The following DLGAP1 variants were observed in gnomAD, a reference collection of about 807,000 sequenced individuals.
DLGAP1 encodes DLG associated protein 1.
Under a neutral mutation model 90.8 loss-of-function variants are expected in DLGAP1, and 11 were observed. That is an observed-to-expected ratio of 0.12 (90% CI 0.08 to 0.20). The LOEUF (loss-of-function observed/expected upper bound fraction) is 0.20. Ranked by LOEUF, DLGAP1 falls within the 10% of genes least tolerant of loss-of-function variation. The pLI is 1.00. For synonymous variants in DLGAP1, 558 were observed against 540.7 expected (o/e 1.03, Z -0.44); for missense variants, 1,050 against 1,333.8 (o/e 0.79, Z 3.31).
chr18:4,432,096 C>T (rs918181711), intron 1 of DLGAP1, among the ~76,000 whole-genome samples: 6 of 152,012 alleles, frequency 3.9e-5, no homozygotes, highest in Non-Finnish European at 5.9e-5. Context: ...CTAGATTCAA[C>T]GTGAAAGTTA....
intron 1 of DLGAP1, among the ~76,000 whole-genome samples, chr18:4,391,123 T>C (rs1453851315): frequency 6.6e-6 from 1 of 152,232 alleles, no homozygotes; most frequent in African/African-American, 2.4e-5. Flanking sequence ...GAAGAGCTTA[T>C]CTATGTCACA....
At chr18:3,631,266 G>T (rs928742979) in intron 7 of DLGAP1, among the ~76,000 whole-genome samples, 1 of 152,066 alleles carries the variant, frequency 6.6e-6, no homozygotes, top group African/African-American at 2.4e-5. Flanking sequence ...TTACAGGTGT[G>T]AGCCACCGTG....
chr18:4,410,801 A>C (rs2082761004), intron 1 of DLGAP1, among the ~76,000 whole-genome samples: 1 of 152,162 alleles, frequency 6.6e-6, no homozygotes, highest in African/African-American at 2.4e-5. Context: ...TATGCACGAC[A>C]ACATCGATGG....
intron 7 of DLGAP1, among the ~76,000 whole-genome samples, chr18:3,693,739 A>G (rs976882369): frequency 1.3e-4 from 20 of 152,226 alleles, no homozygotes; most frequent in African/African-American, 4.8e-4. Flanking sequence ...TCTGCTGAAA[A>G]TCTGTTTATT....
intron 3 of DLGAP1, among the ~76,000 whole-genome samples, chr18:3,922,162 T>C (rs952189917): frequency 6.6e-6 from 1 of 152,140 alleles, no homozygotes; most frequent in African/African-American, 2.4e-5. Flanking sequence ...AATTTGACAA[T>C]TGGGAGATTG....
At chr18:4,063,589 T>C (rs2075330202) in intron 2 of DLGAP1, among the ~76,000 whole-genome samples, 1 of 152,142 alleles carries the variant, frequency 6.6e-6, no homozygotes, top group Non-Finnish European at 1.5e-5. Flanking sequence ...ATACCCCCTC[T>C]ACCTTCCATG....
intron 1 of DLGAP1, among the ~76,000 whole-genome samples, chr18:4,284,352 C>T (rs993007386): frequency 1.4e-4 from 21 of 151,862 alleles, no homozygotes; most frequent in African/African-American, 4.6e-4. Context: ...TGGGAAGACA[C>T]AGAAGAAACA....
At chr18:3,657,186 T>G (rs2059522873) in intron 7 of DLGAP1, among the ~76,000 whole-genome samples, 1 of 152,224 alleles carries the variant, frequency 6.6e-6, no homozygotes, top group Non-Finnish European at 1.5e-5. Context: ...TCATGATCAT[T>G]TAGGCTGAAC....
intron 6 of DLGAP1, among the ~76,000 whole-genome samples, chr18:3,739,823 G>A (rs2147620633): frequency 6.6e-6 from 1 of 152,168 alleles, no homozygotes; most frequent in Admixed American, 6.5e-5. Flanking sequence ...ATTGAATATG[G>A]AACTAGAAAA....
intron 4 of DLGAP1, among the ~76,000 whole-genome samples, chr18:3,855,667 G>T (rs1423251198): frequency 5.3e-5 from 8 of 152,128 alleles, no homozygotes. Context: ...AGGCTGGAGT[G>T]TAATGGCATG....
intron 7 of DLGAP1, among the ~76,000 whole-genome samples, chr18:3,604,744 T>G (rs673341): frequency 0.029 from 4,358 of 152,258 alleles, 173 homozygotes; most frequent in East Asian, 0.11. Context: ...CTTCCTTAAC[T>G]CAAGGTTTCT....
intron 1 of DLGAP1, among the ~76,000 whole-genome samples, chr18:4,245,260 T>C (rs188867952): frequency 1.8e-4 from 27 of 152,358 alleles, no homozygotes; most frequent in Non-Finnish European, 2.8e-4. Flanking sequence ...TATTTTCATA[T>C]TAATTGCTAC....
At chr18:3,911,404 T>C (rs2072031040) in intron 3 of DLGAP1, among the ~76,000 whole-genome samples, 1 of 152,256 alleles carries the variant, frequency 6.6e-6, no homozygotes, top group African/African-American at 2.4e-5. Flanking sequence ...TGGATCTTTA[T>C]TTAAAGAAAG....
Position 3,565,380 on chromosome 18 carries a change from C to A in DLGAP1, c.2057+2110G>T, listed in dbSNP as rs2054366354. ...GGTCAGGCTGGTCTTGAACTCCTTA[C>A]CTCAGGTGATCCACCTGCCTCGGCC... On this transcript the variant is annotated intron_variant, in intron 9 of 12. Transcript: ENST00000315677. The surrounding 1 kb of genome is among the most constrained non-coding windows in gnomAD (Gnocchi z 4.0). Among the ~76,000 whole-genome samples, 1 of 151,580 alleles carries A rather than the reference C, an allele frequency of 6.6e-6. No individual in the cohort carries two copies. The highest frequency in any genetic ancestry group is 6.6e-5 in the Admixed American group (1 of 15,204).
At chr18:4,368,860 A>G (rs1481457621) in intron 1 of DLGAP1, among the ~76,000 whole-genome samples, 3 of 152,234 alleles carry the variant, frequency 2.0e-5, no homozygotes, top group African/African-American at 7.2e-5. Flanking sequence ...AGATAAAAAG[A>G]GATGCTGGAT....
chr18:4,256,895 AAGG>A (rs1478964779), intron 1 of DLGAP1, among the ~76,000 whole-genome samples: 2 of 152,140 alleles, frequency 1.3e-5, no homozygotes, highest in Admixed American at 1.3e-4. Context: ...GACAGCTGGA[AAGG>A]AGGAGAAGGA....
chr18:3,962,448 A>G (rs979630463), intron 3 of DLGAP1: 1 of 152,176 alleles, frequency 6.6e-6, no homozygotes, highest in African/African-American at 2.4e-5. Flanking sequence ...ATCTGTGTTC[A>G]CTTCTCCCTG....
chr18:3,597,196 G>A (rs747206285), intron 7 of DLGAP1: 6 of 518,734 alleles, frequency 1.2e-5, no homozygotes, highest in East Asian at 1.1e-4. Flanking sequence ...GAGAGCCAGC[G>A]AACTTTCTTT....
chr18:4,088,067 TTA>T (rs1408426871), intron 2 of DLGAP1, among the ~76,000 whole-genome samples: 1 of 144,794 alleles, frequency 6.9e-6, no homozygotes, highest in African/African-American at 2.6e-5. Context: ...GATCTCTTGT[TTA>T]TGTTTCTTAA....
Sources: gnomAD v4.1 joint callset for allele counts (sites outside exome capture counted in the v4.1 genomes callset) on GRCh38, gnomAD v4.1.1 for gene constraint, Gnocchi (gnomAD v3.1) non-coding constraint, MANE v1.5 for transcripts, NCBI Gene and HGNC (gene_info 2026-07-23, HGNC 2026-07-21) for gene names.